FOXN3: variants seen among roughly 807,000 people sequenced by gnomAD.
FOXN3 encodes forkhead box protein N3.
In FOXN3, 7 loss-of-function variants were observed where a neutral mutation model predicts 38.4. The ratio of observed to expected loss-of-function variants is 0.18; its 90% CI spans 0.10 to 0.34. The LOEUF (loss-of-function observed/expected upper bound fraction) is 0.34, where lower values mean the gene tolerates loss of function less well. Ranked by LOEUF, FOXN3 falls within the 10% of genes least tolerant of loss-of-function variation. FOXN3 has a pLI of 1.00. For missense variants in FOXN3, 456 were observed against 613.4 expected (o/e 0.74, Z 2.71); for synonymous variants, 230 against 242.2 (o/e 0.95, Z 0.47).
At chr14:89,296,656 AACCGAG>A (rs2139940873) in intron 3 of FOXN3, among the ~76,000 whole-genome samples, 1 of 152,210 alleles carries the variant, frequency 6.6e-6, no homozygotes, top group East Asian at 1.9e-4. Context: ...AACATTTCTC[AACCGAG>A]TCTCGCTCTG....
At chr14:89,359,911 C>T (rs1186615969) in intron 2 of FOXN3, among the ~76,000 whole-genome samples, 1 of 152,146 alleles carries the variant, frequency 6.6e-6, no homozygotes, top group African/African-American at 2.4e-5. Context: ...GATCCTTGAG[C>T]TCATGGTGGG....
intron 1 of FOXN3, among the ~76,000 whole-genome samples, chr14:89,512,037 C>T (rs955672411): frequency 6.6e-6 from 1 of 152,124 alleles, no homozygotes; most frequent in Admixed American, 6.5e-5. Flanking sequence ...TGGGTGGGGA[C>T]GTGGCCAAAC....
chr14:89,360,538 CAGAG>C (rs1338693845), intron 2 of FOXN3, among the ~76,000 whole-genome samples: 3 of 121,902 alleles, frequency 2.5e-5, no homozygotes, highest in East Asian at 2.7e-4. Context: ...AAAAGGGACA[CAGAG>C]GGAGTGACGG....
At chr14:89,313,403 C>T (rs776866561) in intron 3 of FOXN3, among the ~76,000 whole-genome samples, 17 of 152,028 alleles carry the variant, frequency 1.1e-4, no homozygotes, top group African/African-American at 1.9e-4. Context: ...TCCTAAAATA[C>T]GAAAATTAGC....
intron 4 of FOXN3, among the ~76,000 whole-genome samples, chr14:89,262,612 C>T (rs10151430): frequency 0.048 from 7,259 of 152,200 alleles, 563 homozygotes; most frequent in African/African-American, 0.17. Flanking sequence ...TTAACTCTTT[C>T]GGGAAAACAA....
At position 89,182,469 on chromosome 14, in the gene FOXN3, C is replaced by T. The variant is rs149445633; in HGVS notation, c.746-1663G>A. Among the ~76,000 whole-genome samples, 323 of 152,256 alleles carry T rather than the reference C, an allele frequency of 2.1e-3. 1 individual carries two copies. The highest frequency in any genetic ancestry group is 7.3e-3 in the African/African-American group (304 of 41,556). On this transcript the variant is annotated intron_variant, in intron 4 of 5. Coordinates refer to ENST00000557258, the MANE Select transcript of FOXN3 (RefSeq NM_005197.4). ...TACAGTCCAGGGTTCCATAATCTCC[C>T]CCGTCACTTACCCTAATTAATTGTG...
chr14:89,295,114 C>T (rs186462315), intron 3 of FOXN3, among the ~76,000 whole-genome samples: 59 of 152,296 alleles, frequency 3.9e-4, no homozygotes, highest in East Asian at 1.5e-3. Flanking sequence ...CTCCAGAACA[C>T]CTGCACCCAG....
intron 4 of FOXN3, among the ~76,000 whole-genome samples, chr14:89,191,792 T>C (rs887610260): frequency 4.0e-5 from 6 of 151,360 alleles, no homozygotes; most frequent in African/African-American, 9.7e-5. Flanking sequence ...AAGAGTTTTT[T>C]TTCTATTTTG....
In FOXN3 at chr14:89,373,584, T is replaced by C. The variant is rs528509811; in HGVS notation, c.544-22776A>G. Reference sequence around the variant, plus strand: ...CATTTTACATTTATTTGTGAGGTTGTGACTAATGTCTATGCCCTCTAACTA... The same window carrying C: ...CATTTTACATTTATTTGTGAGGTTGCGACTAATGTCTATGCCCTCTAACTA... On this transcript the variant is annotated intron_variant, in intron 2 of 5. Transcript: ENST00000557258. Among the ~76,000 whole-genome samples the C allele has an allele frequency of 4.8e-3, 738 of 152,304 alleles. 13 individuals carry two copies. Among genetic ancestry groups the C allele is most frequent in the African/African-American group, 0.017 (696 of 41,560 alleles).
At chr14:89,396,962 C>T (rs1891115996) in intron 2 of FOXN3, among the ~76,000 whole-genome samples, 4 of 151,396 alleles carry the variant, frequency 2.6e-5, no homozygotes, top group Admixed American at 2.6e-4. Context: ...CTGCTGTGGC[C>T]TTTTTCTCCA....
At chr14:89,290,343 C>A in intron 3 of FOXN3, 1 of 371,542 alleles carries the variant, frequency 2.7e-6, no homozygotes, top group East Asian at 7.3e-5. Flanking sequence ...GCATCTTCCC[C>A]GAGTTAGGTA....
intron 3 of FOXN3, among the ~76,000 whole-genome samples, chr14:89,317,491 G>A (rs535134133): frequency 5.9e-5 from 9 of 151,974 alleles, no homozygotes; most frequent in African/African-American, 2.2e-4. Flanking sequence ...ACTTCTGAAA[G>A]TGCCTGTTTC....
intron 4 of FOXN3, chr14:89,263,828 G>T (rs188133273): frequency 2.0e-5 from 3 of 152,296 alleles, no homozygotes; most frequent in African/African-American, 7.2e-5. Flanking sequence ...GAGGTGGGGG[G>T]ATCGCCTGAA....
intron 4 of FOXN3, among the ~76,000 whole-genome samples, chr14:89,244,692 A>G (rs1885238552): frequency 6.6e-6 from 1 of 152,268 alleles, no homozygotes; most frequent in African/African-American, 2.4e-5. Flanking sequence ...GCTTAAGATT[A>G]CAGAGAAGAG....
chr14:89,400,328 A>G (rs944378087), intron 2 of FOXN3, among the ~76,000 whole-genome samples: 1 of 152,188 alleles, frequency 6.6e-6, no homozygotes, highest in Non-Finnish European at 1.5e-5. Flanking sequence ...GGTAATCCAG[A>G]AATCTCTTTA....
At chr14:89,202,512 G>A (rs1390939052) in intron 4 of FOXN3, among the ~76,000 whole-genome samples, 1 of 152,188 alleles carries the variant, frequency 6.6e-6, no homozygotes, top group South Asian at 2.1e-4. Flanking sequence ...AGTTTAATGT[G>A]CTCGACCTCT....
intron 1 of FOXN3, among the ~76,000 whole-genome samples, chr14:89,498,656 C>T (rs1325212682): frequency 6.6e-6 from 1 of 152,118 alleles, no homozygotes; most frequent in Non-Finnish European, 1.5e-5. Context: ...GGTCACGCTA[C>T]TGTTGGGTGA....
chr14:89,545,448 G>A (rs1472102987), intron 1 of FOXN3, among the ~76,000 whole-genome samples: 4 of 152,200 alleles, frequency 2.6e-5, no homozygotes, highest in Admixed American at 2.6e-4. Context: ...CACGGAGAAT[G>A]CATATGACTT....
At chr14:89,429,428 C>T (rs1892111871) in intron 1 of FOXN3, among the ~76,000 whole-genome samples, 1 of 152,180 alleles carries the variant, frequency 6.6e-6, no homozygotes, top group Non-Finnish European at 1.5e-5. Flanking sequence ...TTTTGAGTAG[C>T]TTGAATATCA....
Sources: gnomAD v4.1 joint callset for allele counts (sites outside exome capture counted in the v4.1 genomes callset) on GRCh38, gnomAD v4.1.1 for gene constraint, MANE v1.5 for transcripts, NCBI Gene and HGNC (gene_info 2026-07-23, HGNC 2026-07-21) for gene names.